FAM168A: variants seen among roughly 807,000 people sequenced by gnomAD.
FAM168A encodes protein FAM168A.
In FAM168A, 3 loss-of-function variants were observed where a neutral mutation model predicts 28.5. That is an observed-to-expected ratio of 0.11 (90% CI 0.05 to 0.27). FAM168A has a LOEUF of 0.27. Among genes scored for constraint, FAM168A ranks in the 10% least tolerant of loss-of-function variants. FAM168A has a pLI of 1.00. For missense variants in FAM168A, 222 were observed against 311.5 expected, an observed-to-expected ratio of 0.71 and a Z score of 2.16; for synonymous variants, 122 against 124.2, an observed-to-expected ratio of 0.98 and a Z score of 0.12.
chr11:73,472,280 T>C (rs916178975), intron 1 of FAM168A, among the ~76,000 whole-genome samples: 27 of 152,180 alleles, frequency 1.8e-4, no homozygotes, highest in African/African-American at 6.5e-4. Context: ...CCTGAATAAG[T>C]TGAAGGAGCA....
At chr11:73,407,719 C>G (rs1204956511) in intron 6 of FAM168A, 76 bp from the exon 7 acceptor site, 20 of 1,232,322 alleles carry the variant, frequency 1.6e-5, no homozygotes, top group Non-Finnish European at 2.3e-5. Context: ...AAGCTACAGT[C>G]TTTCACATGG....
intron 1 of FAM168A, among the ~76,000 whole-genome samples, chr11:73,552,789 T>C (rs1943844499): frequency 6.6e-6 from 1 of 152,074 alleles, no homozygotes; most frequent in Non-Finnish European, 1.5e-5. Context: ...AAACCCCATC[T>C]CTACCAAAAA....
At chr11:73,544,568 T>C (rs1376196637) in intron 1 of FAM168A, among the ~76,000 whole-genome samples, 2 of 150,028 alleles carry the variant, frequency 1.3e-5, no homozygotes, top group Non-Finnish European at 3.0e-5. Context: ...AGGTGGCATA[T>C]ACATATGATG....
intron 1 of FAM168A, among the ~76,000 whole-genome samples, chr11:73,491,529 C>A (rs564452315): frequency 7.9e-5 from 12 of 152,270 alleles, no homozygotes; most frequent in Admixed American, 6.5e-4. Context: ...TTACTCAAGA[C>A]AAAACTGAGT....
At chr11:73,585,398 A>G (rs1265145734) in intron 1 of FAM168A, among the ~76,000 whole-genome samples, 1 of 152,222 alleles carries the variant, frequency 6.6e-6, no homozygotes, top group Non-Finnish European at 1.5e-5. Flanking sequence ...GAAACACAGA[A>G]AAGTGTAGTA....
At chr11:73,559,543 C>A (rs1943932609) in intron 1 of FAM168A, among the ~76,000 whole-genome samples, 1 of 151,998 alleles carries the variant, frequency 6.6e-6, no homozygotes, top group South Asian at 2.1e-4. Context: ...CAAAAGGCCA[C>A]ACATTATATG....
At position 73,429,641 on chromosome 11, in the gene FAM168A, A is replaced by G. The variant is rs371154848; in HGVS notation, c.151+1049T>C. On this transcript the variant is annotated intron_variant, in intron 3 of 7. Coordinates refer to ENST00000356467, the MANE Select transcript of FAM168A (RefSeq NM_015159.3). ...TTTGTGTGCTTAAAGAACAGCTTCT[A>G]CTTCTTCAAATCTCTGTTGTTCTCC... is the stretch of plus-strand genomic sequence containing the variant. Among the ~76,000 whole-genome samples, 5 of 152,068 alleles carry G rather than the reference A, an allele frequency of 3.3e-5. No homozygotes were observed. In the South Asian group the frequency reaches 6.2e-4, roughly 19 times the overall value.
chr11:73,597,480 T>C (rs1944450443), intron 1 of FAM168A, among the ~76,000 whole-genome samples: 1 of 151,892 alleles, frequency 6.6e-6, no homozygotes, highest in Non-Finnish European at 1.5e-5. Flanking sequence ...TCACTCTCCG[T>C]TGAAATCATT....
chr11:73,508,491 G>A (rs1855157947), intron 1 of FAM168A, among the ~76,000 whole-genome samples: 1 of 152,150 alleles, frequency 6.6e-6, no homozygotes. Context: ...TTTCCACCAA[G>A]TCGGAACAAA....
At chr11:73,424,175 T>G (rs1252411721) in intron 3 of FAM168A, among the ~76,000 whole-genome samples, 1 of 152,182 alleles carries the variant, frequency 6.6e-6, no homozygotes, top group Admixed American at 6.5e-5. Flanking sequence ...CCCACAGCAG[T>G]GGCAAGGAGA....
intron 2 of FAM168A, among the ~76,000 whole-genome samples, chr11:73,453,296 C>T (rs528821254): frequency 1.3e-5 from 2 of 152,230 alleles, no homozygotes; most frequent in Non-Finnish European, 2.9e-5. Flanking sequence ...GTCCTCTCTA[C>T]CCAGACACCA....
Position 73,403,333 on chromosome 11 carries a change from G to C in FAM168A, c.*3430C>G, listed in dbSNP as rs1348915743. The C allele has an allele frequency of 6.6e-6, 1 of 152,110 alleles. No individual in the cohort carries two copies. The highest frequency in any genetic ancestry group is 1.5e-5 in the Non-Finnish European group (1 of 68,022). The allele number at this position is 152,110 out of a possible 1,614,324, so 9.4% of individuals were successfully genotyped here. A position where few individuals can be genotyped will look rare whatever the true frequency, so the allele number is the denominator to read the frequency against. On this transcript the variant is annotated 3_prime_UTR_variant, in exon 8 of 8. Coordinates refer to ENST00000356467, the MANE Select transcript of FAM168A (RefSeq NM_015159.3). The stretch of plus-strand genomic sequence containing the variant: ...CCAGACTCAAACTTCTTGACCCCAG[G>C]CCAGTGAGGAGAGGGGGTCAGGTAG...
chr11:73,494,717 C>G (rs1854835320), intron 1 of FAM168A, among the ~76,000 whole-genome samples: 2 of 152,154 alleles, frequency 1.3e-5, no homozygotes, highest in Admixed American at 1.3e-4. Flanking sequence ...AGGAAGTACA[C>G]TTTTAGAAGA....
chr11:73,585,892 A>G (rs1238804999), intron 1 of FAM168A, among the ~76,000 whole-genome samples: 3 of 149,854 alleles, frequency 2.0e-5, no homozygotes, highest in African/African-American at 5.0e-5. Flanking sequence ...AAAAAAAAAA[A>G]AGAGATTGAC....
chr11:73,508,186 G>C (rs942762114), intron 1 of FAM168A, among the ~76,000 whole-genome samples: 7 of 152,050 alleles, frequency 4.6e-5, no homozygotes, highest in African/African-American at 1.4e-4. Flanking sequence ...TCAATAAAAA[G>C]GAGCATCACC....
intron 1 of FAM168A, among the ~76,000 whole-genome samples, chr11:73,536,703 T>C (rs1301070675): frequency 6.6e-6 from 1 of 151,914 alleles, no homozygotes; most frequent in Non-Finnish European, 1.5e-5. Context: ...ATAATAATAA[T>C]AATAGGCCTC....
intron 2 of FAM168A, among the ~76,000 whole-genome samples, chr11:73,460,216 A>C (rs1867620103): frequency 6.6e-6 from 1 of 151,986 alleles, no homozygotes; most frequent in Non-Finnish European, 1.5e-5. Context: ...AAAGCAGAAA[A>C]AAATCTCTCC....
At chr11:73,478,427 CAA>C (rs902127131) in intron 1 of FAM168A, among the ~76,000 whole-genome samples, 9 of 152,110 alleles carry the variant, frequency 5.9e-5, no homozygotes, top group African/African-American at 2.2e-4. Context: ...TCTGTACAGG[CAA>C]ACAGTAGATT....
intron 1 of FAM168A, among the ~76,000 whole-genome samples, chr11:73,508,070 T>C (rs1855149966): frequency 6.6e-6 from 1 of 152,206 alleles, no homozygotes; most frequent in Non-Finnish European, 1.5e-5. Flanking sequence ...CTTTGGGTCT[T>C]AGCGTCATCT....
Sources: gnomAD v4.1 joint callset for allele counts (sites outside exome capture counted in the v4.1 genomes callset) on GRCh38, gnomAD v4.1.1 for gene constraint, MANE v1.5 for transcripts, NCBI Gene and HGNC (gene_info 2026-07-23, HGNC 2026-07-21) for gene names.